Variants in FBXL20 observed in about 807,000 individuals in gnomAD.
The protein encoded by FBXL20 is F-box and leucine rich repeat protein 20.
FBXL20 carries 11 observed loss-of-function variants against 64.0 expected under a neutral mutation model. The ratio of observed to expected loss-of-function variants is 0.17; its 90% confidence interval spans 0.11 to 0.28. FBXL20 has a LOEUF of 0.28. Ranked by LOEUF, FBXL20 falls within the 10% of genes least tolerant of loss-of-function variation. FBXL20 has a pLI of 1.00. For synonymous variants in FBXL20, 184 were observed against 189.0 expected, an observed-to-expected ratio of 0.97 and a Z score of 0.22; for missense variants, 303 against 526.2, an observed-to-expected ratio of 0.58 and a Z score of 4.15.
chr17:39,398,679 G>A (rs185397172), intron 1 of FBXL20, among the ~76,000 whole-genome samples: 1 of 146,212 alleles, frequency 6.8e-6, no homozygotes, highest in African/African-American at 2.5e-5. Context: ...GTTGTTTTTT[G>A]TTTTTTTTTT....
Position 39,377,361 on chromosome 17 carries a change from A to G in FBXL20, c.42+24000T>C, listed in dbSNP as rs150114997. Among the ~76,000 whole-genome samples the G allele has an allele frequency of 4.1e-4, 63 of 152,120 alleles. 4 individuals carry two copies. In the East Asian group the frequency reaches 0.012, roughly 29 times the overall value. ...CTCACTGACTTTCCCCCACCCACCA[A>G]GCTGTCCTTAAAAACTCTGATCCCC... On this transcript the variant is annotated intron_variant, in intron 1 of 14. Coordinates refer to ENST00000264658, the MANE Select transcript of FBXL20 (RefSeq NM_032875.3).
intron 13 of FBXL20, among the ~76,000 whole-genome samples, chr17:39,265,158 CAT>C (rs2046779890): frequency 6.6e-6 from 1 of 152,226 alleles, no homozygotes; most frequent in South Asian, 2.1e-4. Flanking sequence ...AAAGAGAACT[CAT>C]ATGTTCCAAG....
chr17:39,371,222 T>C (rs1212004193), intron 1 of FBXL20, among the ~76,000 whole-genome samples: 1 of 152,150 alleles, frequency 6.6e-6, no homozygotes, highest in Non-Finnish European at 1.5e-5. Flanking sequence ...AAAGAAGGGT[T>C]TTGTCATGCA....
chr17:39,381,017 G>T (rs1056317955), intron 1 of FBXL20, among the ~76,000 whole-genome samples: 1 of 152,046 alleles, frequency 6.6e-6, no homozygotes, highest in African/African-American at 2.4e-5. Context: ...AAAACTAGCA[G>T]GGCGTGGTGG....
rs923716573 is a variant in FBXL20 at position 39,255,652 on chromosome 17, T to C, written c.*5808A>G. ...TGAGGTTGGGAGTTTGAAACCAGCC[T>C]GACCAACATGGTGAAACCCCGTCTC... On this transcript the variant is annotated 3_prime_UTR_variant, in exon 15 of 15. Transcript: ENST00000264658. The C allele has an allele frequency of 1.3e-5, 2 of 151,658 alleles. No homozygotes were observed. The highest frequency in any genetic ancestry group is 4.9e-5 in the African/African-American group (2 of 41,226). 9.4% of individuals were successfully genotyped at this position (151,658 alleles called of 1,614,324 possible). A position where few individuals can be genotyped will look rare whatever the true frequency, so the allele number is the denominator to read the frequency against.
intron 1 of FBXL20, among the ~76,000 whole-genome samples, chr17:39,360,003 CAT>C (rs1287121556): frequency 2.6e-5 from 4 of 151,950 alleles, no homozygotes; most frequent in South Asian, 2.1e-4. Flanking sequence ...AATGTATAAA[CAT>C]AAAATATTAA....
At chr17:39,312,740 A>ATTT (rs71353571) in intron 2 of FBXL20, among the ~76,000 whole-genome samples, 31 of 140,294 alleles carry the variant, frequency 2.2e-4, no homozygotes, top group African/African-American at 4.0e-4. Context: ...CGCCTGGCTA[A>ATTT]TTTTTTTTTT....
chr17:39,357,356 T>C (rs1233296342), intron 1 of FBXL20, among the ~76,000 whole-genome samples: 3 of 152,104 alleles, frequency 2.0e-5, no homozygotes, highest in Non-Finnish European at 4.4e-5. Flanking sequence ...ACCATAAATG[T>C]TGGCATTATT....
At chr17:39,269,500 T>C (rs1200019892) in intron 11 of FBXL20, among the ~76,000 whole-genome samples, 5 of 125,376 alleles carry the variant, frequency 4.0e-5, no homozygotes, top group African/African-American at 7.0e-5. Flanking sequence ...GCCTTTCCTC[T>C]TTTTTTTTTT....
chr17:39,372,834 A>G (rs1043179628), intron 1 of FBXL20, among the ~76,000 whole-genome samples: 6 of 151,980 alleles, frequency 3.9e-5, no homozygotes, highest in African/African-American at 1.2e-4. Context: ...CAGGTTGGTC[A>G]GGCTGGTCAC....
chr17:39,308,974 G>A (rs1392288348), intron 2 of FBXL20, among the ~76,000 whole-genome samples: 1 of 152,172 alleles, frequency 6.6e-6, no homozygotes, highest in African/African-American at 2.4e-5. Context: ...TGAGATTACA[G>A]GCATGTGCCA....
At chr17:39,339,165 CAAAAAAAAAA>C (rs59901064) in intron 2 of FBXL20, among the ~76,000 whole-genome samples, 1 of 68,030 alleles carries the variant, frequency 1.5e-5, no homozygotes, top group Non-Finnish European at 2.8e-5. Context: ...GACCCTGTCT[CAAAAAAAAAA>C]AAAAAAAAAA....
At chr17:39,321,858 C>T (rs1389654561) in intron 2 of FBXL20, among the ~76,000 whole-genome samples, 1 of 151,210 alleles carries the variant, frequency 6.6e-6, no homozygotes, top group African/African-American at 2.4e-5. Flanking sequence ...ACTGAAACTA[C>T]CTGATTCAAT....
chr17:39,373,744 G>A (rs545990005), intron 1 of FBXL20, among the ~76,000 whole-genome samples: 3 of 152,024 alleles, frequency 2.0e-5, no homozygotes, highest in South Asian at 2.1e-4. Flanking sequence ...TGTAGTTTCC[G>A]GAAAGTAGAT....
chr17:39,285,644 G>T, intron 6 of FBXL20, 71 bp from the exon 7 acceptor site: 4 of 981,394 alleles, frequency 4.1e-6, no homozygotes, highest in Non-Finnish European at 5.9e-6. Context: ...ATCAGACACT[G>T]TTCTTATTAA....
chr17:39,283,974 A>G (rs994934287), intron 7 of FBXL20, among the ~76,000 whole-genome samples: 16 of 152,196 alleles, frequency 1.1e-4, no homozygotes, highest in African/African-American at 3.6e-4. Flanking sequence ...GACTTTAGGA[A>G]GCCTGTCTGA....
In FBXL20 at chr17:39,395,870, C is replaced by G. The variant is rs749071172; in HGVS notation, c.42+5491G>C. On this transcript the variant is annotated intron_variant, in intron 1 of 14. Transcript: ENST00000264658. ...GGCATTAGAAAGCAGTGGCCAAAGG[C>G]TGGATCCTGAGAGGCAACACTCATT... is the stretch of plus-strand genomic sequence containing the variant. Among the ~76,000 whole-genome samples, 46 of 152,122 alleles carry G rather than the reference C, an allele frequency of 3.0e-4. No individual in the cohort carries two copies. In the Middle Eastern group the frequency reaches 0.01, roughly 34 times the overall value.
chr17:39,284,482 G>A (rs1479093885), intron 7 of FBXL20, among the ~76,000 whole-genome samples: 1 of 152,192 alleles, frequency 6.6e-6, no homozygotes, highest in Non-Finnish European at 1.5e-5. Context: ...CTGGGCTCAA[G>A]TGATCCTCCT....
intron 1 of FBXL20, among the ~76,000 whole-genome samples, chr17:39,399,967 C>G (rs141631233): frequency 3.9e-5 from 6 of 152,114 alleles, no homozygotes; most frequent in African/African-American, 1.4e-4. Flanking sequence ...AACTGCTGAA[C>G]GTCTATTCAG....
Sources: gnomAD v4.1 joint callset for allele counts (sites outside exome capture counted in the v4.1 genomes callset) on GRCh38, gnomAD v4.1.1 for gene constraint, MANE v1.5 for transcripts, NCBI Gene and HGNC (gene_info 2026-07-23, HGNC 2026-07-21) for gene names.